ANO7: variants seen among roughly 807,000 people sequenced by gnomAD.
The protein encoded by ANO7 is anoctamin 7.
A neutral mutation model predicts 115.8 loss-of-function variants in ANO7; 114 were observed. The observed-to-expected ratio is 0.98, with a 90% CI of 0.85 to 1.15. The LOEUF is 1.15. ANO7 is among the 50% of genes most tolerant of loss of function. The probability of loss-of-function intolerance (pLI) is 0.00; values close to 1 mark genes in which losing one functional copy is unlikely to be tolerated. For synonymous variants in ANO7, 550 were observed against 498.2 expected, an observed-to-expected ratio of 1.10 and a Z score of -1.38; for missense variants, 1,302 against 1,201.2, an observed-to-expected ratio of 1.08 and a Z score of -1.24.
At chr2:241,228,550 G>A (rs1196879250), downstream of ANO7, 1 of 152,402 alleles carries the variant, frequency 6.6e-6, no homozygotes, top group Non-Finnish European at 1.5e-5. Context: ...TGTGCTGAGG[G>A]AGAGCGCCAG....
At chr2:241,235,475 G>A in the ANO7 span, 18 of 1,600,696 alleles carry the variant, frequency 1.1e-5, no homozygotes, top group Admixed American at 8.3e-5. Context: ...ATGGCCTCCC[G>A]GGAAAGGGGT....
In ANO7 at chr2:241,218,281, TA is replaced by T; in HGVS notation, c.2222del (p.Tyr741SerfsTer89). ...CTCGTCCGACTTCCTGCCGCGCGCC[TA>T]CTACCGGTGGACCCGCGCCCACGAC... is the stretch of plus-strand genomic sequence containing the variant. ...AFSSDFLPRAYYRWTRAHDLR... is the reference protein window; with the variant it reads ...AFSSDFLPRAXYRWTRAHDLR... On this transcript the variant is annotated frameshift_variant, in exon 21 of 25. Coordinates refer to ENST00000674324, the MANE Select transcript of ANO7 (RefSeq NM_001370694.2). LOFTEE classifies it high-confidence loss of function. The T allele has an allele frequency of 6.5e-7, 1 of 1,535,296 alleles. No homozygotes were observed.
intron 2 of ANO7, 89 bp downstream of exon 2, chr2:241,190,260 G>A: frequency 8.6e-7 from 1 of 1,157,776 alleles, no homozygotes; most frequent in South Asian, 1.5e-5. Context: ...AGCCTCTGGG[G>A]GTGGATGGGC....
At chr2:241,198,922 T>C (rs533825750) in intron 4 of ANO7, among the ~76,000 whole-genome samples, 101 of 152,292 alleles carry the variant, frequency 6.6e-4, no homozygotes, top group African/African-American at 2.4e-3. Flanking sequence ...TGGTGACCGA[T>C]CAAAGGTGAG....
At position 241,200,507 on chromosome 2, in the gene ANO7, C is replaced by T. The variant is rs561227806; in HGVS notation, c.554+282C>T. 5.3e-5 allele frequency among the ~76,000 whole-genome samples: 8 copies of T among 152,344 alleles called. No homozygotes were observed. The East Asian group carries it at 5.8e-4, about 11-fold the overall frequency. On this transcript the variant is annotated intron_variant, in intron 6 of 24. Coordinates refer to ENST00000674324, the MANE Select transcript of ANO7 (RefSeq NM_001370694.2). ...CTCAGGCACACGTGTGGTGGGGCGG[C>T]GCGGTACCTGCTCACCACGGTCTCT... is the stretch of plus-strand genomic sequence containing the variant.
intron 10 of ANO7, among the ~76,000 whole-genome samples, chr2:241,206,559 C>T (rs1217807068): frequency 2.8e-5 from 1 of 35,812 alleles, no homozygotes; most frequent in Non-Finnish European, 4.9e-5. Context: ...TGCTCCCAGG[C>T]TGACAGGTGG....
chr2:241,203,189 A>G lies in ANO7; in HGVS notation c.724-144A>G. ...CGGACCACCCTGTACCCACCCCTCCACATTACTCTATTTTTTCTTCATGGA... is the reference window on the plus strand; with the variant it reads ...CGGACCACCCTGTACCCACCCCTCCGCATTACTCTATTTTTTCTTCATGGA... On this transcript the variant is annotated intron_variant, in intron 8 of 24. Transcript: ENST00000674324. The surrounding 1 kb of genome is among the most constrained non-coding windows in gnomAD (Gnocchi z 4.8). 1 of 513,368 alleles carries G rather than the reference A, an allele frequency of 1.9e-6. No homozygotes were observed. Among genetic ancestry groups the G allele is most frequent in the Admixed American group, 4.1e-5 (1 of 24,266 alleles). 31.8% of individuals were successfully genotyped at this position (513,368 alleles called of 1,614,324 possible).
rs755521861 is a variant in ANO7, at chr2:241,207,557, C to T, written c.981-17C>T. 1.9e-5 allele frequency: 31 copies of T among 1,611,560 alleles called. No homozygotes were observed. Among genetic ancestry groups the T allele is most frequent in the Middle Eastern group, 1.6e-4 (1 of 6,078 alleles). On this transcript the variant is annotated splice_polypyrimidine_tract_variant and intron_variant, in intron 10 of 24. Coordinates refer to ENST00000674324, the MANE Select transcript of ANO7 (RefSeq NM_001370694.2). Reference sequence around the variant, plus strand: ...CCTCCCCCATTAGCTCCCACCCCTCCGCTCCATGCCTTGCAGGCAGGAACT... The same window carrying T: ...CCTCCCCCATTAGCTCCCACCCCTCTGCTCCATGCCTTGCAGGCAGGAACT...
chr2:241,210,283 C>A lies in ANO7; in HGVS notation c.1360-12C>A, dbSNP rs1194430813. 6.2e-7 allele frequency: 1 copy of A among 1,613,530 alleles called. No individual in the cohort carries two copies. The highest frequency in any genetic ancestry group is 2.2e-5 in the East Asian group (1 of 44,872). On this transcript the variant is annotated splice_polypyrimidine_tract_variant and intron_variant, in intron 13 of 24. Coordinates refer to ENST00000674324, the MANE Select transcript of ANO7 (RefSeq NM_001370694.2). ...ACCGTGAAGGGTCTCACGGGCCTCC[C>A]TGCCCCCGCAGGTGGCCGTGGTGGT...
the ANO7 span, among the ~76,000 whole-genome samples, chr2:241,233,297 A>G: frequency 6.6e-6 from 1 of 152,146 alleles, no homozygotes; most frequent in Admixed American, 6.5e-5. This position sits in a 1 kb window ranked among gnomAD's most constrained non-coding sequence, Gnocchi z 4.3. Flanking sequence ...GCTGCCTTTC[A>G]TTTTGTTCTG....
rs201781892 is a variant in ANO7, at chr2:241,210,506, C to A, written c.1497C>A (p.Asn499Lys). The part of the protein sequence containing the change: ...RIASLTGSVV[N>K]LVFILILSKI... ...CCAGCCTCACGGGGTCTGTAGTGAA[C>A]CTCGTCTTCATCCTCATCCTCTCCA... Residue 499 changes from asparagine to lysine, a missense_variant, in exon 15 of 25, where the codon AAC becomes AAA. Physicochemically the swap from Asn to Lys is moderately conservative, Grantham distance 94. Coordinates refer to ENST00000674324, the MANE Select transcript of ANO7 (RefSeq NM_001370694.2). 4 of 1,614,094 alleles carry A rather than the reference C, an allele frequency of 2.5e-6. No homozygotes were observed. The highest frequency in any genetic ancestry group is 2.5e-6 in the Non-Finnish European group (3 of 1,179,998).
At position 241,224,399 on chromosome 2, in the gene ANO7, T is replaced by A; in HGVS notation, c.*246T>A. ...CCTCTTTGTTTCCTGCTCCCAGACATAAGCCCAAGGGGCCCCTGCACCCAA... is the reference window on the plus strand; with the variant it reads ...CCTCTTTGTTTCCTGCTCCCAGACAAAAGCCCAAGGGGCCCCTGCACCCAA... On this transcript the variant is annotated 3_prime_UTR_variant, in exon 25 of 25. Transcript: ENST00000674324. The A allele has an allele frequency of 1.8e-6, 1 of 542,944 alleles. No individual in the cohort carries two copies. Among genetic ancestry groups the A allele is most frequent in the Non-Finnish European group, 3.3e-6 (1 of 303,430 alleles). The allele number at this position is 542,944 out of a possible 1,614,324, so 33.6% of individuals were successfully genotyped here.
chr2:241,212,591 AACTACC>A lies in ANO7; in HGVS notation c.1696_1701del (p.Tyr566_His567del), dbSNP rs769237004. 6.2e-7 allele frequency: 1 copy of A among 1,613,510 alleles called. No individual in the cohort carries two copies. The highest frequency in any genetic ancestry group is 1.1e-5 in the South Asian group (1 of 90,806). The stretch of plus-strand genomic sequence containing the variant: ...TCCTAGGTTTGTGGGATACCCAGGC[AACTACC>A]ACACCTTGTTTGGAGTCCGCAATGA... On this transcript the variant is annotated inframe_deletion, in exon 17 of 25. Transcript: ENST00000674324.
intron 19 of ANO7, 109 bp from the exon 20 acceptor site, chr2:241,217,570 TGAGCCGC>T (rs915631946): frequency 4.1e-6 from 5 of 1,209,418 alleles, no homozygotes; most frequent in Admixed American, 4.2e-5. Flanking sequence ...GGGGGCGGAA[TGAGCCGC>T]GATGGGGTGG....
At chr2:241,198,021 C>T (rs2068384920) in intron 4 of ANO7, among the ~76,000 whole-genome samples, 1 of 152,176 alleles carries the variant, frequency 6.6e-6, no homozygotes. Context: ...TTGCTGGTGG[C>T]GTGTGTGACA....
At chr2:241,202,391 G>A in intron 8 of ANO7, 87 bp downstream of exon 8, 1 of 1,276,414 alleles carries the variant, frequency 7.8e-7, no homozygotes, top group Non-Finnish European at 1.1e-6. Context: ...CGGGTGTGGG[G>A]CAGGCATGGT....
chr2:241,233,784 C>T, the ANO7 span: 2 of 1,612,844 alleles, frequency 1.2e-6, no homozygotes, highest in Admixed American at 1.7e-5. The surrounding 1 kb of genome is among the most constrained non-coding windows in gnomAD (Gnocchi z 4.3). Context: ...TCAACAAGCA[C>T]CTCTGCCCCC....
intron 9 of ANO7, among the ~76,000 whole-genome samples, 156 bp from the exon 10 acceptor site, chr2:241,204,709 G>A (rs1451283747): frequency 1.3e-5 from 2 of 152,158 alleles, no homozygotes; most frequent in Non-Finnish European, 2.9e-5. Flanking sequence ...GAGCTGCCAG[G>A]GAGAGCTGTG....
chr2:241,208,943 A>G (rs2068650326), intron 11 of ANO7, among the ~76,000 whole-genome samples: 2 of 152,082 alleles, frequency 1.3e-5, no homozygotes, highest in Admixed American at 6.6e-5. Context: ...AGGTCAGAAG[A>G]TCGAGACCAT....
Sources: allele counts gnomAD v4.1 joint callset (sites outside exome capture counted in the v4.1 genomes callset), GRCh38; gene constraint gnomAD v4.1.1; non-coding constraint Gnocchi (gnomAD v3.1); transcripts MANE v1.5; gene names NCBI Gene and HGNC (gene_info 2026-07-23, HGNC 2026-07-21).